HOOK2: variants seen among roughly 807,000 people sequenced by gnomAD.
HOOK2 encodes the protein protein Hook homolog 2.
A neutral mutation model predicts 111.9 loss-of-function variants in HOOK2; 108 were observed. That is an observed-to-expected ratio of 0.96 (90% CI 0.83 to 1.13). The LOEUF (loss-of-function observed/expected upper bound fraction) is 1.13, where lower values mean the gene tolerates loss of function less well. HOOK2 is among the 50% of genes most tolerant of loss of function. HOOK2 has a pLI of 0.00. For missense variants in HOOK2, 978 were observed against 951.3 expected, an observed-to-expected ratio of 1.03 and a Z score of -0.37; for synonymous variants, 405 against 394.3, an observed-to-expected ratio of 1.03 and a Z score of -0.32.
upstream of HOOK2, chr19:12,778,333 A>T (rs1968564089): frequency 6.6e-6 from 1 of 152,272 alleles, no homozygotes; most frequent in Non-Finnish European, 1.5e-5. Flanking sequence ...ACTCATGCGC[A>T]GCCGTACGCA....
In HOOK2 at chr19:12,770,073, C is replaced by T. The variant is rs767749214; in HGVS notation, c.912G>A (p.Ser304=). 82 of 1,516,138 alleles carry T rather than the reference C, an allele frequency of 5.4e-5. No individual in the cohort carries two copies. The East Asian group carries it at 1.8e-3, about 34-fold the overall frequency. 93.9% of individuals were successfully genotyped at this position (1,516,138 alleles called of 1,614,324 possible). A position where few individuals can be genotyped will look rare whatever the true frequency, so the allele number is the denominator to read the frequency against. The part of the protein sequence containing the change: ...KDEMDELRQS[S]ERAGQLEATL... ...TGGCCTCCAGCTGCCCAGCACGCTC[C>T]GAAGACTGCCTAGGGGAGTGGGAGG... The change falls in exon 11 of 23, where the codon TCG becomes TCA. Residue 304 remains serine (S), a synonymous_variant. Transcript: ENST00000397668.
chr19:12,765,951 C>T lies in HOOK2; in HGVS notation c.1575G>A (p.Gln525=). ...AQVEDLQKAL[Q]EQGGKTEDAI... ...CATCTTCAGTCTTGCCCCCCTGCTC[C>T]TGCAGGGCTTTCTGCAGGTCCTCCA... is the stretch of plus-strand genomic sequence containing the variant. The change falls in exon 16 of 23, where the codon CAG becomes CAA. Residue 525 remains glutamine (Q), a synonymous_variant. Coordinates refer to ENST00000397668, the MANE Select transcript of HOOK2 (RefSeq NM_013312.3). The T allele has an allele frequency of 1.2e-6, 2 of 1,614,132 alleles. No homozygotes were observed. The highest frequency in any genetic ancestry group is 1.7e-5 in the Admixed American group (1 of 60,026).
At chr19:12,776,463 C>T (rs1257365030), upstream of HOOK2, among the ~76,000 whole-genome samples, 5 of 151,306 alleles carry the variant, frequency 3.3e-5, no homozygotes, top group Non-Finnish European at 7.4e-5. Context: ...GGGCGGATCA[C>T]GAGGTCAGGT....
At chr19:12,767,558 G>A (rs776672386) in intron 13 of HOOK2, 94 bp from the exon 14 acceptor site, 22 of 1,131,536 alleles carry the variant, frequency 1.9e-5, no homozygotes, top group Non-Finnish European at 2.8e-5. Flanking sequence ...GGGGCTTCAA[G>A]TTCAGCCAAC....
rs780577573 is a variant in HOOK2, at chr19:12,791,920, T to C, written n.42-17695A>G. On this transcript the variant is annotated intron_variant and non_coding_transcript_variant, in intron 3 of 3. Transcript: ENST00000589765. The surrounding 1 kb of genome is among the most constrained non-coding windows in gnomAD (Gnocchi z 7.0). ...AACCTGGCCGACCCCTACCGGAGTC[T>C]CAAAGCGCCTGGGGCTCGCGGACCC... The C allele has an allele frequency of 6.2e-7, 1 of 1,612,984 alleles. No homozygotes were observed. Among genetic ancestry groups the C allele is most frequent in the Non-Finnish European group, 8.5e-7 (1 of 1,179,806 alleles).
intron 7 of HOOK2, 125 bp from the exon 8 acceptor site, chr19:12,771,602 G>GCGAGCCACTGCA: frequency 1.2e-6 from 1 of 822,084 alleles, no homozygotes; most frequent in South Asian, 1.6e-5. Flanking sequence ...GAGGGCTGGC[G>GCGAGCCACTGCA]CCGGGTGCAG....
At chr19:12,773,270 G>C (rs1599501545) in intron 3 of HOOK2, 2 of 477,740 alleles carry the variant, frequency 4.2e-6, no homozygotes, top group Non-Finnish European at 7.2e-6. Context: ...AGCTTTTTAA[G>C]ACAGGGTCTG....
In HOOK2 at chr19:12,771,432, C is replaced by T. The variant is rs780071393; in HGVS notation, c.565G>A (p.Glu189Lys). ...FLSEEAEEGD[E>K]LQQRCLDLER... ...AGATCCAGACAGCGCTGCTGTAATT[C>T]GTCCCCCTCCTCAGCCTCCTCACTT... Residue 189 changes from glutamate to lysine, a missense_variant, in exon 8 of 23, where the codon GAA becomes AAA. Coordinates refer to ENST00000397668, the MANE Select transcript of HOOK2 (RefSeq NM_013312.3). The T allele has an allele frequency of 5.0e-6, 8 of 1,613,574 alleles. No individual in the cohort carries two copies. In the African/African-American group the frequency reaches 6.7e-5, roughly 13 times the overall value.
At chr19:12,766,276 G>C (rs748800226) in intron 14 of HOOK2, 36 bp from the exon 15 acceptor site, 3 of 1,503,716 alleles carry the variant, frequency 2.0e-6, no homozygotes, top group Non-Finnish European at 2.7e-6. Flanking sequence ...GGCCAGGGTC[G>C]AGTCACCTCG....
Position 12,770,932 on chromosome 19 carries a change from C to A in HOOK2, c.902G>T (p.Arg301Leu). The change falls in exon 10 of 23, where the codon CGG becomes CTG. Residue 301 changes from arginine (R) to leucine (L), a missense_variant and splice_region_variant. Transcript: ENST00000397668. ...GGGGACCCAGGAACCCACCACTCAC[C>A]GTAGTTCATCCATCTCATCCTTCAG... Reference protein sequence around the residue: ...QALKDEMDELRQSSERAGQLE... With the variant: ...QALKDEMDELLQSSERAGQLE... 1 of 1,597,858 alleles carries A rather than the reference C, an allele frequency of 6.3e-7. No homozygotes were observed. Among genetic ancestry groups the A allele is most frequent in the Non-Finnish European group, 8.6e-7 (1 of 1,168,492 alleles).
At chr19:12,765,517 G>A in intron 18 of HOOK2, 173 bp downstream of exon 18, 1 of 861,482 alleles carries the variant, frequency 1.2e-6, no homozygotes, top group Non-Finnish European at 1.9e-6. Context: ...GGAGGCCAAA[G>A]CGGGTGGATC....
chr19:12,779,781 G>C (rs79814575), upstream of HOOK2, among the ~76,000 whole-genome samples: 19,386 of 152,050 alleles, frequency 0.13, 1,516 homozygotes, highest in South Asian at 0.19. Flanking sequence ...TGATTTGATG[G>C]GGGGGAGGGC....
At chr19:12,772,948 A>C (rs1968380733) in intron 4 of HOOK2, 36 bp from the exon 5 acceptor site, 1 of 1,613,982 alleles carries the variant, frequency 6.2e-7, no homozygotes, top group Admixed American at 1.7e-5. Flanking sequence ...TCATGGGCCC[A>C]CCCTTCTCCC....
In HOOK2 at chr19:12,765,838, T is replaced by C. The variant is rs762720587; in HGVS notation, c.1600-4A>G. 1.9e-6 allele frequency: 3 copies of C among 1,611,280 alleles called. No homozygotes were observed. The South Asian group carries it at 3.3e-5, about 18-fold the overall frequency. ...GGCCCATGGTACTTACAATGGCCTG[T>C]ATGGGGCATCGGGCAGCATGGGAGA... is the stretch of plus-strand genomic sequence containing the variant. On this transcript the variant is annotated splice_region_variant and splice_polypyrimidine_tract_variant and intron_variant, in intron 16 of 22. Coordinates refer to ENST00000397668, the MANE Select transcript of HOOK2 (RefSeq NM_013312.3).
At chr19:12,779,428 C>T (rs1968574276), upstream of HOOK2, among the ~76,000 whole-genome samples, 1 of 152,218 alleles carries the variant, frequency 6.6e-6, no homozygotes, top group Admixed American at 6.5e-5. Flanking sequence ...TGGCAGGCCC[C>T]CTACAGCCCA....
chr19:12,785,478 CACAA>C lies in HOOK2; in HGVS notation n.42-11257_42-11254del, dbSNP rs1271017675. Among the ~76,000 whole-genome samples, 15 of 152,280 alleles carry C rather than the reference CACAA, an allele frequency of 9.9e-5. No individual in the cohort carries two copies. In the South Asian group the frequency reaches 1.0e-3, roughly 11 times the overall value. On this transcript the variant is annotated intron_variant and non_coding_transcript_variant, in intron 3 of 3. Coordinates refer to the HOOK2 transcript ENST00000589765. ...ATACAGACCAGCCACAGACCACACA[CACAA>C]ACACACATACACACCGACACAAGTT...
In HOOK2 at chr19:12,763,309, C is replaced by T. The variant is rs1161091236; in HGVS notation, c.2133G>A (p.Leu711=). ...AGTGCTTGTCAGTGGGGCGAAGGTT[C>T]AGAGATGCCAGGCGTCCCAAGGGTC... is the stretch of plus-strand genomic sequence containing the variant. ...RRGPLGRLAS[L]NLRPTDKH The change falls in exon 23 of 23, where the codon CTG becomes CTA. Residue 711 remains leucine, a synonymous_variant. Transcript: ENST00000397668. The T allele has an allele frequency of 1.2e-6, 2 of 1,613,924 alleles. No homozygotes were observed. The highest frequency in any genetic ancestry group is 1.7e-6 in the Non-Finnish European group (2 of 1,180,026).
upstream of HOOK2, among the ~76,000 whole-genome samples, chr19:12,775,873 CTTTTTTT>C (rs775787302): frequency 9.6e-6 from 1 of 103,848 alleles, no homozygotes; most frequent in African/African-American, 4.8e-5. Flanking sequence ...TAAGTAAATT[CTTTTTTT>C]TTTTTTTTTT....
chr19:12,775,398 G>C lies in HOOK2; in HGVS notation c.45+7C>G. On this transcript the variant is annotated splice_region_variant and intron_variant, in intron 1 of 22. Coordinates refer to ENST00000397668, the MANE Select transcript of HOOK2 (RefSeq NM_013312.3). ...TCACCTTCCCCTAGCCCCGCCCCAC[G>C]ACCTACCCAGGTGAGCAGAGACCCG... 6.2e-7 allele frequency: 1 copy of C among 1,611,574 alleles called. No homozygotes were observed. The highest frequency in any genetic ancestry group is 1.3e-5 in the African/African-American group (1 of 74,832).
Sources: allele counts gnomAD v4.1 joint callset (sites outside exome capture counted in the v4.1 genomes callset), GRCh38; gene constraint gnomAD v4.1.1; non-coding constraint Gnocchi (gnomAD v3.1); transcripts MANE v1.5; gene names NCBI Gene and HGNC (gene_info 2026-07-23, HGNC 2026-07-21).